ARID5B: variants seen among roughly 807,000 people sequenced by gnomAD.
The protein encoded by ARID5B is AT-rich interaction domain 5B.
In ARID5B, 13 loss-of-function variants were observed where a neutral mutation model predicts 97.2. The observed-to-expected ratio is 0.13, with a 90% CI of 0.09 to 0.21. The LOEUF (loss-of-function observed/expected upper bound fraction) is 0.21. Among genes scored for constraint, ARID5B ranks in the 10% least tolerant of loss-of-function variants. The pLI, the probability that ARID5B is intolerant of heterozygous loss-of-function variation, is 1.00. For missense variants in ARID5B, 1,210 were observed against 1,465.3 expected (o/e 0.83, Z 2.84); for synonymous variants, 556 against 570.3 (o/e 0.97, Z 0.36).
At chr10:61,944,719 C>T (rs1054651855) in intron 3 of ARID5B, among the ~76,000 whole-genome samples, 3 of 152,192 alleles carry the variant, frequency 2.0e-5, no homozygotes, top group Non-Finnish European at 4.4e-5. Context: ...AGGCATACAA[C>T]AGAATGTATT....
At chr10:61,914,528 A>G (rs188566735) in intron 2 of ARID5B, among the ~76,000 whole-genome samples, 1 of 152,300 alleles carries the variant, frequency 6.6e-6, no homozygotes, top group East Asian at 1.9e-4. Context: ...ATCTCCATAC[A>G]TTGTAGTCTT....
At chr10:61,914,031 G>A (rs1269896446) in intron 2 of ARID5B, among the ~76,000 whole-genome samples, 2 of 152,212 alleles carry the variant, frequency 1.3e-5, no homozygotes, top group African/African-American at 2.4e-5. Flanking sequence ...GATTACAGGC[G>A]TGAGCTACCG....
chr10:62,090,982 C>T lies in ARID5B; in HGVS notation c.1519C>T (p.Pro507Ser). The change falls in exon 10 of 10, where the codon CCC becomes TCC. Residue 507 changes from proline to serine, a missense_variant. Transcript: ENST00000279873. ...AGGGTATCAGGAATTTTCAGCGAAG[C>T]CCCTGGCATCCAGAGTAGACCCAGA... ...IEGYQEFSAK[P>S]LASRVDPEKD... is the part of the protein sequence containing the mutation. The T allele has an allele frequency of 6.2e-7, 1 of 1,614,118 alleles. No individual in the cohort carries two copies. The highest frequency in any genetic ancestry group is 8.5e-7 in the Non-Finnish European group (1 of 1,180,006).
intron 4 of ARID5B, among the ~76,000 whole-genome samples, chr10:62,008,876 G>A (rs570965139): frequency 2.0e-5 from 3 of 152,246 alleles, no homozygotes; most frequent in Middle Eastern, 3.4e-3. Context: ...ACACCTCTCC[G>A]TGATTTTCTG....
chr10:62,069,765 C>T lies in ARID5B; in HGVS notation c.1167C>T (p.Ser389=), dbSNP rs747709144. 3.9e-5 allele frequency: 63 copies of T among 1,614,098 alleles called. No individual in the cohort carries two copies. In the East Asian group the frequency reaches 8.2e-4, roughly 21 times the overall value. The part of the protein sequence containing the change: ...DELGGNPGST[S]AATCTRRHYE... ...TAGGCGGTAATCCTGGGAGCACCAG[C>T]GCTGCCACTTGTACCCGCAGACATT... The change falls in exon 8 of 10, where the codon AGC becomes AGT. Residue 389 remains serine, a synonymous_variant. Transcript: ENST00000279873.
intron 3 of ARID5B, among the ~76,000 whole-genome samples, chr10:61,949,661 A>T (rs1271088588): frequency 1.3e-5 from 2 of 152,176 alleles, no homozygotes; most frequent in African/African-American, 2.4e-5. Context: ...CGCCCCCACA[A>T]AAAAAGACCG....
chr10:62,076,459 G>A (rs148400363), intron 8 of ARID5B, among the ~76,000 whole-genome samples: 6 of 150,862 alleles, frequency 4.0e-5, no homozygotes, highest in Non-Finnish European at 8.8e-5. Flanking sequence ...CGAGAATCAC[G>A]GGATGAATCA....
At chr10:62,052,670 G>A (rs1024535472) in intron 5 of ARID5B, among the ~76,000 whole-genome samples, 4 of 152,192 alleles carry the variant, frequency 2.6e-5, no homozygotes, top group African/African-American at 4.8e-5. Flanking sequence ...TCACAAAGCC[G>A]AGAAGAACAA....
chr10:62,018,039 A>G (rs1211505376), intron 4 of ARID5B, among the ~76,000 whole-genome samples: 1 of 152,246 alleles, frequency 6.6e-6, no homozygotes, highest in Non-Finnish European at 1.5e-5. Context: ...GAGATGATTT[A>G]AATAGATTCA....
At chr10:62,015,665 C>A (rs1318004090) in intron 4 of ARID5B, among the ~76,000 whole-genome samples, 1 of 151,980 alleles carries the variant, frequency 6.6e-6, no homozygotes, top group Non-Finnish European at 1.5e-5. Flanking sequence ...GCTCTGTCAC[C>A]CAGGCTGGAG....
At chr10:62,045,972 T>C (rs1233527535) in intron 4 of ARID5B, among the ~76,000 whole-genome samples, 1 of 152,304 alleles carries the variant, frequency 6.6e-6, no homozygotes, top group South Asian at 2.1e-4. Flanking sequence ...GGTCAAACTC[T>C]TAGGAAAATT....
chr10:62,009,371 C>A lies in ARID5B; in HGVS notation c.733+9050C>A, dbSNP rs79693343. On this transcript the variant is annotated intron_variant, in intron 4 of 9. Transcript: ENST00000279873. ...CCTTGGGCACCAACTATGTTTAAGGCAGAACTCCAGGCATTGTTAGGATGC... is the reference window on the plus strand; with the variant it reads ...CCTTGGGCACCAACTATGTTTAAGGAAGAACTCCAGGCATTGTTAGGATGC... 1.4e-3 allele frequency among the ~76,000 whole-genome samples: 218 copies of A among 152,174 alleles called. 1 individual carries two copies. The highest frequency in any genetic ancestry group is 5.1e-3 in the African/African-American group (211 of 41,524).
chr10:62,007,434 G>A (rs186104980), intron 4 of ARID5B, among the ~76,000 whole-genome samples: 4 of 152,260 alleles, frequency 2.6e-5, no homozygotes, highest in African/African-American at 9.6e-5. Flanking sequence ...GACAACAGTT[G>A]TGAACGAGAC....
chr10:62,096,540 C>T lies in ARID5B; in HGVS notation c.*3510C>T, dbSNP rs1840473383. ...AGTGTATTTGATATTCTGCCTGTCT[C>T]CTCATGGTTGAAATATGTCTGAAGA... On this transcript the variant is annotated 3_prime_UTR_variant, in exon 10 of 10. Transcript: ENST00000279873. 1 of 233,330 alleles carries T rather than the reference C, an allele frequency of 4.3e-6. No individual in the cohort carries two copies. The highest frequency in any genetic ancestry group is 2.2e-5 in the African/African-American group (1 of 45,342). 14.5% of individuals were successfully genotyped at this position (233,330 alleles called of 1,614,324 possible).
rs1840411538 is a variant in ARID5B, at chr10:62,093,168, G to C, written c.*138G>C. On this transcript the variant is annotated 3_prime_UTR_variant, in exon 10 of 10. Transcript: ENST00000279873. ...GATCAGTCCCAGCTGTAGGGGCCCA[G>C]AGGGGAGGTGAACATGCCTGATTTT... 7.6e-7 allele frequency: 1 copy of C among 1,315,218 alleles called. No homozygotes were observed. The highest frequency in any genetic ancestry group is 1.0e-6 in the Non-Finnish European group (1 of 982,260). The allele number at this position is 1,315,218 out of a possible 1,614,324, so 81.5% of individuals were successfully genotyped here.
chr10:62,092,514 G>T lies in ARID5B; in HGVS notation c.3051G>T (p.Glu1017Asp). The T allele has an allele frequency of 6.2e-7, 1 of 1,614,228 alleles. No individual in the cohort carries two copies. Among genetic ancestry groups the T allele is most frequent in the Non-Finnish European group, 8.5e-7 (1 of 1,180,032 alleles). ...GAARPIKRSLEDLDLVIAGKK... is the reference protein window; with the variant it reads ...GAARPIKRSLDDLDLVIAGKK... Reference sequence around the variant, plus strand: ...CGCGGCCGATCAAGCGCAGCCTGGAGGATTTGGACCTTGTGATTGCAGGGA... The same window carrying T: ...CGCGGCCGATCAAGCGCAGCCTGGATGATTTGGACCTTGTGATTGCAGGGA... Residue 1017 changes from glutamate to aspartate, a missense_variant, in exon 10 of 10, where the codon GAG becomes GAT. By Grantham distance (45) the Glu-to-Asp change is conservative (BLOSUM62 2). Transcript: ENST00000279873.
chr10:62,078,078 G>T (rs1336989627), intron 8 of ARID5B, among the ~76,000 whole-genome samples: 2 of 152,232 alleles, frequency 1.3e-5, no homozygotes, highest in Admixed American at 1.3e-4. Context: ...GAACATTTCA[G>T]AAGTTCTGGA....
At chr10:61,960,158 AT>A (rs1329666353) in intron 3 of ARID5B, among the ~76,000 whole-genome samples, 1 of 151,928 alleles carries the variant, frequency 6.6e-6, no homozygotes, top group African/African-American at 2.4e-5. Context: ...TATTTCATAT[AT>A]TTTTCTTTTA....
At chr10:62,020,426 G>A (rs1039125152) in intron 4 of ARID5B, among the ~76,000 whole-genome samples, 4 of 152,058 alleles carry the variant, frequency 2.6e-5, no homozygotes, top group African/African-American at 9.7e-5. Context: ...ATCAATAGTC[G>A]GGAAATTTAA....
Sources: gnomAD v4.1 joint callset for allele counts (sites outside exome capture counted in the v4.1 genomes callset) on GRCh38, gnomAD v4.1.1 for gene constraint, MANE v1.5 for transcripts, NCBI Gene and HGNC (gene_info 2026-07-23, HGNC 2026-07-21) for gene names.